The following COTL1 variants were observed in gnomAD, a reference collection of about 807,000 sequenced individuals.
COTL1 encodes the protein coactosin like F-actin binding protein 1, also known as coactosin-like protein.
In COTL1, 15 loss-of-function variants were observed where a neutral mutation model predicts 16.5. That is an observed-to-expected ratio of 0.91 (90% CI 0.61 to 1.40). The LOEUF (loss-of-function observed/expected upper bound fraction) is 1.40. Ranked by LOEUF, COTL1 falls within the 40% of genes most tolerant of loss-of-function variation. The pLI is 0.00. For missense variants in COTL1, 220 were observed against 201.5 expected, an observed-to-expected ratio of 1.09 and a Z score of -0.56; for synonymous variants, 112 against 85.3, an observed-to-expected ratio of 1.31 and a Z score of -1.73.
At chr16:84,580,089 C>A (rs1904550039) in intron 3 of COTL1, among the ~76,000 whole-genome samples, 1 of 152,206 alleles carries the variant, frequency 6.6e-6, no homozygotes. Context: ...CAGGCTAGGG[C>A]AGGCTGGCCA....
intron 3 of COTL1, among the ~76,000 whole-genome samples, chr16:84,580,343 C>T (rs1904555253): frequency 1.3e-5 from 2 of 152,294 alleles, no homozygotes; most frequent in East Asian, 3.9e-4. Context: ...TAGCTCACTG[C>T]ATCCTTGACC....
At chr16:84,617,769 C>A in intron 1 of COTL1, 69 bp downstream of exon 1, 1 of 1,476,944 alleles carries the variant, frequency 6.8e-7, no homozygotes, top group South Asian at 1.2e-5. Context: ...CGCCTGGAGG[C>A]CGGCTCGGTG....
At chr16:84,595,882 T>A (rs1228376490) in intron 2 of COTL1, 1 of 151,828 alleles carries the variant, frequency 6.6e-6, no homozygotes, top group African/African-American at 2.4e-5. Context: ...TATTTGTGTA[T>A]GTGTGTTATA....
At chr16:84,579,381 G>C (rs1249330819) in intron 3 of COTL1, among the ~76,000 whole-genome samples, 2 of 152,220 alleles carry the variant, frequency 1.3e-5, no homozygotes, top group Non-Finnish European at 2.9e-5. Flanking sequence ...CCAGCTTCTT[G>C]GGAGGCTGAG....
In COTL1 at chr16:84,586,439, G is replaced by A. The variant is rs182635025; in HGVS notation, c.318+3666C>T. ...GAGTTCTAGAGAGGAAAGAAACTCT[G>A]CAGACTGCCTTAGTGGGTATGAGGT... On this transcript the variant is annotated intron_variant, in intron 3 of 3. Transcript: ENST00000262428. 9.5e-4 allele frequency among the ~76,000 whole-genome samples: 145 copies of A among 152,276 alleles called. 1 individual carries two copies. Among genetic ancestry groups the A allele is most frequent in the African/African-American group, 3.4e-3 (140 of 41,556 alleles).
At chr16:84,598,782 C>T (rs1296861394) in intron 2 of COTL1, among the ~76,000 whole-genome samples, 6 of 109,126 alleles carry the variant, frequency 5.5e-5, no homozygotes, top group Non-Finnish European at 8.8e-5. Context: ...GGAGACCAAG[C>T]GGGAGAACCA....
At chr16:84,604,205 A>C (rs1597183287) in intron 2 of COTL1, among the ~76,000 whole-genome samples, 1 of 31,012 alleles carries the variant, frequency 3.2e-5, no homozygotes, top group African/African-American at 1.5e-4. Flanking sequence ...CTCCCCATCC[A>C]CACTCACCGG....
intron 2 of COTL1, among the ~76,000 whole-genome samples, chr16:84,608,057 G>A (rs1220006394): frequency 6.6e-6 from 1 of 152,058 alleles, no homozygotes; most frequent in African/African-American, 2.4e-5. Context: ...GGCAAATGCT[G>A]GAGGGAGGTA....
At chr16:84,579,521 G>C (rs1343308555) in intron 3 of COTL1, among the ~76,000 whole-genome samples, 1 of 152,194 alleles carries the variant, frequency 6.6e-6, no homozygotes, top group Non-Finnish European at 1.5e-5. Flanking sequence ...AAGCATTTAG[G>C]AAATGTCAAG....
chr16:84,617,850 G>C lies in COTL1; in HGVS notation c.65C>G (p.Ser22Trp), dbSNP rs1400415736. 6.4e-7 allele frequency: 1 copy of C among 1,574,178 alleles called. No homozygotes were observed. The highest frequency in any genetic ancestry group is 1.9e-5 in the Admixed American group (1 of 53,224). ...GAAAAGTTCCTACCAGATGACGGCC[G>C]AGCCGTCGTCGCGCACCAGGTTGTA... ...AAYNLVRDDG[S>W]AVIWVTFKYD... The change falls in exon 1 of 4, where the codon TCG becomes TGG. Residue 22 changes from serine to tryptophan, a missense_variant. Physicochemically the swap from Ser to Trp is radical, Grantham distance 177. Coordinates refer to ENST00000262428, the MANE Select transcript of COTL1 (RefSeq NM_021149.5).
chr16:84,607,821 C>T (rs79070625), intron 2 of COTL1, among the ~76,000 whole-genome samples: 2,191 of 152,160 alleles, frequency 0.014, 51 homozygotes, highest in African/African-American at 0.05. Context: ...TGGCAAAGGG[C>T]TTGGGGCATA....
chr16:84,568,852 T>C (rs902874210), intron 3 of COTL1: 2 of 152,214 alleles, frequency 1.3e-5, no homozygotes, highest in East Asian at 1.9e-4. Flanking sequence ...AAACAAAGGC[T>C]GGAAATTACA....
rs1030191356 is a variant in COTL1, at chr16:84,590,774, C to A, written c.161-512G>T. On this transcript the variant is annotated intron_variant, in intron 2 of 3. Transcript: ENST00000262428. This position sits in a 1 kb window ranked among gnomAD's most constrained non-coding sequence, Gnocchi z 5.5. ...TCATCCTCTTTGTAGACCAGAAATT[C>A]ATCAACTCTTTTTGCCTCAATCTTT... Among the ~76,000 whole-genome samples the A allele has an allele frequency of 2.0e-5, 3 of 152,272 alleles. No homozygotes were observed. The highest frequency in any genetic ancestry group is 4.4e-5 in the Non-Finnish European group (3 of 68,022).
intron 2 of COTL1, among the ~76,000 whole-genome samples, chr16:84,597,653 A>G (rs1396477203): frequency 6.6e-6 from 1 of 152,198 alleles, no homozygotes; most frequent in Non-Finnish European, 1.5e-5. Context: ...AAATGGTGAG[A>G]ACTCACTGTT....
chr16:84,580,817 T>C (rs139416954), intron 3 of COTL1, among the ~76,000 whole-genome samples: 5 of 152,342 alleles, frequency 3.3e-5, no homozygotes, highest in South Asian at 2.1e-4. Flanking sequence ...GGGAGCTTTT[T>C]ATTTTTCAAT....
chr16:84,576,584 A>C (rs2150681865), intron 3 of COTL1: 1 of 152,336 alleles, frequency 6.6e-6, no homozygotes, highest in South Asian at 2.1e-4. Context: ...AATGCCCGGA[A>C]GGCAGTATTT....
Position 84,581,099 on chromosome 16 carries a change from G to A in COTL1, c.318+9006C>T, listed in dbSNP as rs1439421167. Among the ~76,000 whole-genome samples the A allele has an allele frequency of 5.3e-5, 8 of 151,874 alleles. 1 individual carries two copies. The highest frequency in any genetic ancestry group is 4.2e-4 in the South Asian group (2 of 4,812). On this transcript the variant is annotated intron_variant, in intron 3 of 3. Coordinates refer to ENST00000262428, the MANE Select transcript of COTL1 (RefSeq NM_021149.5). The stretch of plus-strand genomic sequence containing the variant: ...GGAGGCTGCAGTGAGCCAAGATGTC[G>A]CCACTGCACTCCAGCCTAGGCAACA...
At chr16:84,598,182 C>T (rs1017360211) in intron 2 of COTL1, among the ~76,000 whole-genome samples, 3 of 152,278 alleles carry the variant, frequency 2.0e-5, no homozygotes, top group East Asian at 3.9e-4. Flanking sequence ...CCTTCCCACC[C>T]AGAGAGAGTC....
chr16:84,604,986 G>C (rs1905183284), intron 2 of COTL1, among the ~76,000 whole-genome samples: 2 of 152,354 alleles, frequency 1.3e-5, no homozygotes, highest in South Asian at 4.1e-4. Context: ...GGGATTTCCT[G>C]GGAAAGTCTC....
Sources: gnomAD v4.1 joint callset for allele counts (sites outside exome capture counted in the v4.1 genomes callset) on GRCh38, gnomAD v4.1.1 for gene constraint, Gnocchi (gnomAD v3.1) non-coding constraint, MANE v1.5 for transcripts, NCBI Gene and HGNC (gene_info 2026-07-23, HGNC 2026-07-21) for gene names.